ADGRD1: variants seen among roughly 807,000 people sequenced by gnomAD.
ADGRD1 encodes G-protein coupled receptor 133.
ADGRD1 carries 77 observed loss-of-function variants against 113.4 expected under a neutral mutation model. The observed-to-expected ratio is 0.68, with a 90% CI of 0.57 to 0.82. The LOEUF is 0.82. ADGRD1 is among the 40% of genes least tolerant of loss of function. ADGRD1 has a pLI of 0.00. For missense variants in ADGRD1, 1,036 were observed against 1,139.1 expected (o/e 0.91, Z 1.30); for synonymous variants, 474 against 475.0 (o/e 1.00, Z 0.03).
chr12:131,121,168 A>G (rs1593249731), intron 20 of ADGRD1, among the ~76,000 whole-genome samples: 1 of 152,274 alleles, frequency 6.6e-6, no homozygotes, highest in East Asian at 1.9e-4. Context: ...CGGCAGGTGC[A>G]GGCACACAGC....
At chr12:130,997,710 A>G (rs1325484513) in intron 8 of ADGRD1, among the ~76,000 whole-genome samples, 1 of 148,292 alleles carries the variant, frequency 6.7e-6, no homozygotes, top group Non-Finnish European at 1.5e-5. Context: ...GACGCTCCTC[A>G]CTTTCCAGAC....
At chr12:131,121,526 A>G (rs1350334534) in intron 20 of ADGRD1, among the ~76,000 whole-genome samples, 2 of 152,148 alleles carry the variant, frequency 1.3e-5, no homozygotes, top group Non-Finnish European at 2.9e-5. Context: ...GATTACAGCC[A>G]TGCGCCACCA....
chr12:131,033,173 C>T (rs1222500535), intron 13 of ADGRD1, among the ~76,000 whole-genome samples: 4 of 152,032 alleles, frequency 2.6e-5, no homozygotes, highest in Non-Finnish European at 4.4e-5. Flanking sequence ...TGGCCCTGCC[C>T]GAGCTCTTTT....
chr12:130,968,921 AT>A (rs1565987990), intron 3 of ADGRD1: 1 of 981,376 alleles, frequency 1.0e-6, no homozygotes, highest in African/African-American at 1.6e-5. Flanking sequence ...TGTTGGTCCC[AT>A]TTGTCTTTTG....
At chr12:131,105,090 G>A (rs1038232437) in intron 16 of ADGRD1, among the ~76,000 whole-genome samples, 156 bp downstream of exon 16, 2 of 152,206 alleles carry the variant, frequency 1.3e-5, no homozygotes, top group Admixed American at 6.5e-5. Flanking sequence ...CCAGGCACAG[G>A]AATTCTGGTG....
At chr12:131,130,647 G>A (rs142828895) in intron 20 of ADGRD1, among the ~76,000 whole-genome samples, 158 of 152,316 alleles carry the variant, frequency 1.0e-3, no homozygotes, top group African/African-American at 3.6e-3. Context: ...CTCAGCAGTT[G>A]CTTCAGAAAG....
chr12:130,987,532 A>G, intron 6 of ADGRD1, 183 bp downstream of exon 6: 1 of 630,832 alleles, frequency 1.6e-6, no homozygotes, highest in Non-Finnish European at 2.7e-6. Flanking sequence ...TAGAGGAGTT[A>G]ATAATTTACT....
chr12:130,997,825 C>T (rs930090900), intron 8 of ADGRD1, among the ~76,000 whole-genome samples: 4 of 152,212 alleles, frequency 2.6e-5, no homozygotes, highest in Admixed American at 2.0e-4. Context: ...AGGCTGCAAT[C>T]TCGGCACTTT....
rs774946222 is a variant in ADGRD1 at position 131,105,764 on chromosome 12, A to T, written c.1786A>T (p.Thr596Ser). The part of the protein sequence containing the change: ...VTFAVLSSVS[T>S]IRNQRYHIHA... ...TGCCTCTGTCCTCAGCTCCGTGAGC[A>T]CCATCCGGAACCAGCGCTACCACAT... The change falls in exon 17 of 25, where the codon ACC becomes TCC. Residue 596 changes from threonine (T) to serine (S), a missense_variant. Transcript: ENST00000261654. 1 of 1,600,986 alleles carries T rather than the reference A, an allele frequency of 6.2e-7. No homozygotes were observed.
chr12:131,114,911 T>C (rs1950428339), intron 18 of ADGRD1, among the ~76,000 whole-genome samples: 1 of 152,224 alleles, frequency 6.6e-6, no homozygotes, highest in African/African-American at 2.4e-5. Flanking sequence ...CAAGAAACTC[T>C]GATTGCAAAC....
At chr12:131,005,813 G>C (rs1206135362) in intron 11 of ADGRD1, among the ~76,000 whole-genome samples, 159 bp from the exon 12 acceptor site, 5 of 151,874 alleles carry the variant, frequency 3.3e-5, no homozygotes, top group Non-Finnish European at 5.9e-5. Context: ...CAGAGTCTTT[G>C]TCCTTGCAAA....
chr12:130,995,378 T>C (rs1049324625), intron 8 of ADGRD1, among the ~76,000 whole-genome samples: 2 of 152,114 alleles, frequency 1.3e-5, no homozygotes, highest in Admixed American at 6.5e-5. Context: ...CACAAGGCAA[T>C]GCAGGTCTAC....
In ADGRD1 at chr12:131,104,880, GC is replaced by G. The variant is rs1950195814; in HGVS notation, c.1722del (p.Ser575ProfsTer20). 6.4e-7 allele frequency: 1 copy of G among 1,551,132 alleles called. No homozygotes were observed. Among genetic ancestry groups the G allele is most frequent in the African/African-American group, 1.4e-5 (1 of 73,086 alleles). On this transcript the variant is annotated frameshift_variant, in exon 16 of 25. Transcript: ENST00000261654. LOFTEE classifies it high-confidence loss of function. ...CTGTCGTCTATCAGCTATGTGGGCT[GC>G]TCCCTCTCCGTGCTCTGCCTGGTGG... ...VALSSISYVG[C>X]SLSVLCLVAT...
chr12:131,106,553 G>A (rs1040708653), intron 17 of ADGRD1, among the ~76,000 whole-genome samples: 3 of 152,224 alleles, frequency 2.0e-5, no homozygotes, highest in Non-Finnish European at 2.9e-5. Context: ...AGCTGGTTCT[G>A]GCAGAAGCTC....
chr12:131,127,165 A>G (rs775793923), intron 20 of ADGRD1, among the ~76,000 whole-genome samples: 25 of 152,266 alleles, frequency 1.6e-4, no homozygotes, highest in Non-Finnish European at 3.4e-4. Flanking sequence ...AGGAAAGATG[A>G]TGAATTCTGA....
intron 13 of ADGRD1, among the ~76,000 whole-genome samples, chr12:131,033,498 C>T (rs1438535887): frequency 6.6e-6 from 1 of 152,220 alleles, no homozygotes; most frequent in Non-Finnish European, 1.5e-5. Flanking sequence ...CTTTTCGGAG[C>T]CCCCTGAACG....
chr12:131,081,201 G>A (rs1003716095), intron 14 of ADGRD1, among the ~76,000 whole-genome samples: 4 of 152,070 alleles, frequency 2.6e-5, no homozygotes, highest in Non-Finnish European at 4.4e-5. Context: ...TAGACTGCAT[G>A]TAGCTGGGTC....
intron 8 of ADGRD1, among the ~76,000 whole-genome samples, chr12:130,997,374 GCT>G (rs1318151786): frequency 5.2e-5 from 6 of 115,060 alleles, no homozygotes; most frequent in Non-Finnish European, 9.5e-5. Context: ...AGACGGGGTG[GCT>G]GCCGGGCGGA....
intron 18 of ADGRD1, among the ~76,000 whole-genome samples, chr12:131,114,367 C>A (rs769225634): frequency 6.6e-6 from 1 of 152,114 alleles, no homozygotes; most frequent in Non-Finnish European, 1.5e-5. Flanking sequence ...GTTTCTGATA[C>A]CAATGCAGCC....
Sources: allele counts gnomAD v4.1 joint callset (sites outside exome capture counted in the v4.1 genomes callset), GRCh38; gene constraint gnomAD v4.1.1; transcripts MANE v1.5; gene names NCBI Gene and HGNC (gene_info 2026-07-23, HGNC 2026-07-21).